Variants in SLC14A2 observed in about 807,000 individuals in gnomAD.
SLC14A2 encodes solute carrier family 14 member 2.
In SLC14A2, 91 loss-of-function variants were observed where a neutral mutation model predicts 104.6. The observed-to-expected ratio is 0.87, with a 90% CI of 0.73 to 1.04. SLC14A2 has a LOEUF of 1.04. Among genes scored for constraint, SLC14A2 ranks in the 50% least tolerant of loss-of-function variants. The pLI, the probability that SLC14A2 is intolerant of heterozygous loss-of-function variation, is 0.00. For missense variants in SLC14A2, 1,189 were observed against 1,156.0 expected (o/e 1.03, Z -0.41); for synonymous variants, 476 against 466.4 (o/e 1.02, Z -0.27).
At chr18:45,170,006 G>C in the SLC14A2 span, among the ~76,000 whole-genome samples, 1 of 152,154 alleles carries the variant, frequency 6.6e-6, no homozygotes, top group Non-Finnish European at 1.5e-5. Context: ...AGAAGAGACA[G>C]AGAAAAAATT....
At chr18:45,575,613 C>G (rs1198219325) in intron 2 of SLC14A2, among the ~76,000 whole-genome samples, 2 of 152,172 alleles carry the variant, frequency 1.3e-5, no homozygotes, top group Non-Finnish European at 1.5e-5. Flanking sequence ...TAAAGAACAC[C>G]GCATTTTGCT....
At chr18:45,255,979 T>A (rs960979453) in intron 1 of SLC14A2, among the ~76,000 whole-genome samples, 2 of 152,120 alleles carry the variant, frequency 1.3e-5, no homozygotes, top group Non-Finnish European at 2.9e-5. Flanking sequence ...TTGAATTGAC[T>A]TCAGCCTTTC....
intron 2 of SLC14A2, among the ~76,000 whole-genome samples, chr18:45,574,441 G>A (rs2044392331): frequency 6.6e-6 from 1 of 152,104 alleles, no homozygotes; most frequent in Admixed American, 6.5e-5. Flanking sequence ...AGGTGGTTTG[G>A]GAGTGGAGTT....
chr18:45,312,563 G>A (rs917362069), intron 1 of SLC14A2, among the ~76,000 whole-genome samples: 2 of 152,074 alleles, frequency 1.3e-5, no homozygotes, highest in African/African-American at 4.8e-5. Context: ...AGCAAATGGG[G>A]GGAAAATGTG....
chr18:45,209,297 C>T (rs1404094428), upstream of SLC14A2, among the ~76,000 whole-genome samples: 1 of 150,454 alleles, frequency 6.6e-6, no homozygotes, highest in Admixed American at 6.6e-5. Flanking sequence ...GAGCCGAGAT[C>T]ACACCCCTCC....
intron 2 of SLC14A2, among the ~76,000 whole-genome samples, chr18:45,579,188 G>C (rs1379120831): frequency 6.6e-6 from 1 of 152,232 alleles, no homozygotes; most frequent in East Asian, 1.9e-4. Context: ...GGTCAGCCCA[G>C]ATCCAAGGGA....
At chr18:45,247,308 T>A (rs1438736073) in intron 1 of SLC14A2, among the ~76,000 whole-genome samples, 1 of 152,198 alleles carries the variant, frequency 6.6e-6, no homozygotes, top group Non-Finnish European at 1.5e-5. Context: ...CATAAACACA[T>A]CTATTGTATA....
At position 45,667,832 on chromosome 18, in the gene SLC14A2, G is replaced by A. The variant is rs754756296; in HGVS notation, c.1718-1G>A. ...TACTTCCTGCCCCGGTTCCATTTCA[G>A]ACAAGTCCCCAGTGTTCCAGTTCTT... On this transcript the variant is annotated splice_acceptor_variant, in intron 13 of 19. Transcript: ENST00000255226. LOFTEE classifies it high-confidence loss of function. 1.9e-6 allele frequency: 3 copies of A among 1,613,744 alleles called. No individual in the cohort carries two copies. Among genetic ancestry groups the A allele is most frequent in the African/African-American group, 2.7e-5 (2 of 74,912 alleles).
intron 1 of SLC14A2, among the ~76,000 whole-genome samples, chr18:45,225,568 T>C (rs1245577880): frequency 6.6e-6 from 1 of 152,198 alleles, no homozygotes; most frequent in Admixed American, 6.5e-5. Flanking sequence ...ATTGAATCTA[T>C]AAATTACCTT....
intron 1 of SLC14A2, among the ~76,000 whole-genome samples, chr18:45,411,751 CAGA>C (rs1290554975): frequency 6.6e-6 from 1 of 152,024 alleles, no homozygotes; most frequent in Non-Finnish European, 1.5e-5. Flanking sequence ...ATAAAGCCAC[CAGA>C]AGATGAGATG....
At chr18:45,534,861 G>T (rs2043755997) in intron 2 of SLC14A2, among the ~76,000 whole-genome samples, 1 of 152,196 alleles carries the variant, frequency 6.6e-6, no homozygotes, top group Non-Finnish European at 1.5e-5. Context: ...AGCCCTATGT[G>T]CCATTGACTG....
chr18:45,536,341 A>G (rs1250491304), intron 2 of SLC14A2, among the ~76,000 whole-genome samples: 1 of 152,244 alleles, frequency 6.6e-6, no homozygotes, highest in East Asian at 1.9e-4. Flanking sequence ...ACAGAAATTT[A>G]TCCTTTCACA....
the SLC14A2 span, among the ~76,000 whole-genome samples, chr18:45,177,895 T>G: frequency 2.0e-5 from 3 of 152,138 alleles, no homozygotes; most frequent in Non-Finnish European, 2.9e-5. Flanking sequence ...GAAGGCAGAG[T>G]AAGGACACTG....
chr18:45,456,938 A>T (rs1302344045), intron 1 of SLC14A2, among the ~76,000 whole-genome samples: 1 of 151,834 alleles, frequency 6.6e-6, no homozygotes, highest in Non-Finnish European at 1.5e-5. Flanking sequence ...CTATTATTCC[A>T]CCCAAGATGT....
intron 10 of SLC14A2, among the ~76,000 whole-genome samples, chr18:45,660,903 A>G (rs1313985333): frequency 6.6e-6 from 1 of 152,214 alleles, no homozygotes; most frequent in Non-Finnish European, 1.5e-5. Flanking sequence ...TTGCTATTTT[A>G]TCTCTAATCT....
intron 1 of SLC14A2, among the ~76,000 whole-genome samples, chr18:45,370,972 G>A (rs1165937064): frequency 6.6e-6 from 1 of 152,154 alleles, no homozygotes; most frequent in Admixed American, 6.5e-5. Context: ...TGTCAGCGTG[G>A]GAGCAAGATC....
intron 1 of SLC14A2, among the ~76,000 whole-genome samples, chr18:45,457,818 G>C (rs188157040): frequency 1.3e-5 from 2 of 152,064 alleles, no homozygotes; most frequent in Non-Finnish European, 2.9e-5. Context: ...CTAATTGTGC[G>C]TCTGTCTAAA....
rs535274017 is a variant in SLC14A2, at chr18:45,461,481, C to T, written c.-124-21752C>T. On this transcript the variant is annotated intron_variant, in intron 1 of 20. Transcript: ENST00000586448. ...CTAGACTACAATCTATTCCTTAGAACCTCATCTATTTTATGGAACAAAGCT... is the reference window on the plus strand; with the variant it reads ...CTAGACTACAATCTATTCCTTAGAATCTCATCTATTTTATGGAACAAAGCT... Among the ~76,000 whole-genome samples, 8 of 152,302 alleles carry T rather than the reference C, an allele frequency of 5.3e-5. No individual in the cohort carries two copies. In the South Asian group the frequency reaches 1.0e-3, roughly 20 times the overall value.
the SLC14A2 span, among the ~76,000 whole-genome samples, chr18:45,199,265 G>C: frequency 9.9e-5 from 15 of 151,970 alleles, no homozygotes; most frequent in African/African-American, 3.4e-4. Flanking sequence ...TAATCTGAAG[G>C]CTCCTGTGTC....
Sources: gnomAD v4.1 joint callset for allele counts (sites outside exome capture counted in the v4.1 genomes callset) on GRCh38, gnomAD v4.1.1 for gene constraint, MANE v1.5 for transcripts, NCBI Gene and HGNC (gene_info 2026-07-23, HGNC 2026-07-21) for gene names.